AATF: variants seen among roughly 807,000 people sequenced by gnomAD.
AATF encodes the protein apoptosis antagonizing transcription factor.
AATF carries 48 observed loss-of-function variants against 63.7 expected under a neutral mutation model. The ratio of observed to expected loss-of-function variants is 0.75; its 90% CI spans 0.60 to 0.96. The LOEUF (loss-of-function observed/expected upper bound fraction) is 0.96, where lower values mean the gene tolerates loss of function less well. AATF is among the 40% of genes least tolerant of loss of function. The pLI, the probability that AATF is intolerant of heterozygous loss-of-function variation, is 0.00. For synonymous variants in AATF, 258 were observed against 247.7 expected, an observed-to-expected ratio of 1.04 and a Z score of -0.39; for missense variants, 639 against 685.7, an observed-to-expected ratio of 0.93 and a Z score of 0.76.
At chr17:37,024,838 A>C (rs923349161) in intron 10 of AATF, among the ~76,000 whole-genome samples, 1 of 152,140 alleles carries the variant, frequency 6.6e-6, no homozygotes, top group African/African-American at 2.4e-5. Context: ...ATGTGCCTGT[A>C]GTCCCAGCTA....
chr17:37,022,197 G>A lies in AATF; in HGVS notation c.1547+1183G>A, dbSNP rs1021897907. Among the ~76,000 whole-genome samples, 13 of 151,908 alleles carry A rather than the reference G, an allele frequency of 8.6e-5. No homozygotes were observed. The East Asian group carries it at 2.5e-3, about 29-fold the overall frequency. On this transcript the variant is annotated intron_variant, in intron 10 of 11. Transcript: ENST00000619387. Reference sequence around the variant, plus strand: ...ACAAAGCCTCAGTGTCAAACTACCTGTAATTCAGGTGCACACTGAGAGAAA... The same window carrying A: ...ACAAAGCCTCAGTGTCAAACTACCTATAATTCAGGTGCACACTGAGAGAAA...
chr17:37,022,728 G>C (rs1432540750), intron 10 of AATF, among the ~76,000 whole-genome samples: 1 of 152,146 alleles, frequency 6.6e-6, no homozygotes, highest in Admixed American at 6.5e-5. Context: ...TATCAGCCTT[G>C]AATGGTTGCT....
At chr17:36,982,417 A>G (rs988611649) in intron 4 of AATF, among the ~76,000 whole-genome samples, 2 of 151,952 alleles carry the variant, frequency 1.3e-5, no homozygotes, top group Non-Finnish European at 2.9e-5. Flanking sequence ...ACAGTGGTAC[A>G]ATCTTGGCTC....
At chr17:36,956,453 A>C (rs2070900653) in intron 4 of AATF, among the ~76,000 whole-genome samples, 1 of 152,070 alleles carries the variant, frequency 6.6e-6, no homozygotes, top group African/African-American at 2.4e-5. Context: ...TGGGCTGATC[A>C]CCTGAGGTCA....
At chr17:37,056,501 A>G (rs955440784) in intron 11 of AATF, 100 bp from the exon 12 acceptor site, 2 of 1,234,850 alleles carry the variant, frequency 1.6e-6, no homozygotes, top group South Asian at 1.3e-5. Flanking sequence ...TGTGTTTTCA[A>G]CAGAAGAAAC....
intron 4 of AATF, among the ~76,000 whole-genome samples, chr17:36,981,939 A>G (rs1403988300): frequency 6.6e-6 from 1 of 151,676 alleles, no homozygotes; most frequent in Non-Finnish European, 1.5e-5. Context: ...TTGTTGTACA[A>G]CCAATCTCCA....
At chr17:36,973,558 A>G (rs2071056289) in intron 4 of AATF, among the ~76,000 whole-genome samples, 1 of 152,338 alleles carries the variant, frequency 6.6e-6, no homozygotes, top group South Asian at 2.1e-4. Flanking sequence ...ATAGAACAGA[A>G]GGCTTAGAGC....
At chr17:36,985,090 C>T (rs1231140589) in intron 4 of AATF, among the ~76,000 whole-genome samples, 3 of 151,950 alleles carry the variant, frequency 2.0e-5, no homozygotes, top group Non-Finnish European at 4.4e-5. Context: ...TTAGTACAGA[C>T]GGGGTTTCGC....
chr17:36,998,243 T>C (rs1467881146), intron 8 of AATF, among the ~76,000 whole-genome samples: 2 of 152,180 alleles, frequency 1.3e-5, no homozygotes, highest in African/African-American at 2.4e-5. Context: ...TGTATATGTA[T>C]TGTTGATCTA....
chr17:36,961,374 C>G lies in AATF; in HGVS notation c.832+7467C>G, dbSNP rs1379774905. 2.0e-5 allele frequency among the ~76,000 whole-genome samples: 3 copies of G among 152,032 alleles called. No homozygotes were observed. In the East Asian group the frequency reaches 5.8e-4, roughly 29 times the overall value. On this transcript the variant is annotated intron_variant, in intron 4 of 11. Coordinates refer to ENST00000619387, the MANE Select transcript of AATF (RefSeq NM_012138.4). Reference sequence around the variant, plus strand: ...CATGTAATTTAAAATTTTTTAATAACCACATTTTAAAAAAGAAACAGTTAA... The same window carrying G: ...CATGTAATTTAAAATTTTTTAATAAGCACATTTTAAAAAAGAAACAGTTAA...
At chr17:37,045,610 T>C (rs1201130840) in intron 11 of AATF, 1 of 152,226 alleles carries the variant, frequency 6.6e-6, no homozygotes, top group African/African-American at 2.4e-5. Context: ...ATACACATTT[T>C]CTCATACACA....
intron 11 of AATF, chr17:37,055,831 C>G (rs1294792728): frequency 2.0e-5 from 3 of 152,312 alleles, no homozygotes; most frequent in African/African-American, 7.2e-5. Flanking sequence ...TGCTCTGTAT[C>G]CACAGGGGAA....
chr17:36,980,878 G>A (rs1567972155), intron 4 of AATF, among the ~76,000 whole-genome samples: 1 of 151,516 alleles, frequency 6.6e-6, no homozygotes. Context: ...TGGGCCACTG[G>A]TGACATTTAC....
chr17:37,000,626 C>G (rs1464631289), intron 8 of AATF, among the ~76,000 whole-genome samples: 1 of 152,058 alleles, frequency 6.6e-6, no homozygotes, highest in Non-Finnish European at 1.5e-5. Context: ...ATTTGTGAGC[C>G]TTCAGCATAT....
At chr17:36,953,433 G>C in intron 3 of AATF, 137 bp downstream of exon 3, 1 of 1,428,124 alleles carries the variant, frequency 7.0e-7, no homozygotes, top group Non-Finnish European at 9.3e-7. Flanking sequence ...TTACCCAGAA[G>C]CCTAAAGCCC....
At chr17:36,998,436 A>G (rs1270592941) in intron 8 of AATF, among the ~76,000 whole-genome samples, 1 of 152,172 alleles carries the variant, frequency 6.6e-6, no homozygotes, top group Non-Finnish European at 1.5e-5. Context: ...TTTCTTTCTG[A>G]CACATTATAC....
intron 8 of AATF, among the ~76,000 whole-genome samples, chr17:37,015,179 TG>T (rs1409470022): frequency 1.3e-5 from 2 of 152,248 alleles, no homozygotes; most frequent in African/African-American, 4.8e-5. Context: ...CTCTGAAACC[TG>T]GGCAGAGCTT....
chr17:37,023,686 A>G (rs2071490203), intron 10 of AATF, among the ~76,000 whole-genome samples: 1 of 151,746 alleles, frequency 6.6e-6, no homozygotes, highest in African/African-American at 2.4e-5. Context: ...TTTTAAACAG[A>G]GTTAAACATG....
intron 11 of AATF, chr17:37,052,494 A>C (rs1037684294): frequency 6.6e-6 from 1 of 152,158 alleles, no homozygotes; most frequent in Non-Finnish European, 1.5e-5. Context: ...CCTTTCCCTA[A>C]GCACCTAGAC....
Sources: gnomAD v4.1 joint callset for allele counts (sites outside exome capture counted in the v4.1 genomes callset) on GRCh38, gnomAD v4.1.1 for gene constraint, MANE v1.5 for transcripts, NCBI Gene and HGNC (gene_info 2026-07-23, HGNC 2026-07-21) for gene names.